The following TET2 variants were observed in gnomAD, a reference collection of about 807,000 sequenced individuals.
TET2 encodes tet methylcytosine dioxygenase 2, also known as methylcytosine dioxygenase TET2.
In TET2, 299 loss-of-function variants were observed where a neutral mutation model predicts 142.9. The ratio of observed to expected loss-of-function variants is 2.09; its 90% confidence interval spans 1.90 to 2.30. The LOEUF (loss-of-function observed/expected upper bound fraction) is 2.30. Ranked by LOEUF, TET2 falls within the 30% of genes most tolerant of loss-of-function variation. The pLI is 0.00. For synonymous variants in TET2, 819 were observed against 849.0 expected (o/e 0.96, Z 0.61); for missense variants, 2,418 against 2,378.0 (o/e 1.02, Z -0.35).
At chr4:105,163,229 A>G (rs1048100041) in intron 1 of TET2, among the ~76,000 whole-genome samples, 1 of 152,150 alleles carries the variant, frequency 6.6e-6, no homozygotes, top group Non-Finnish European at 1.5e-5. Flanking sequence ...GTGTTTGAAT[A>G]TATTTTTATA....
chr4:105,186,473 C>CTTTT (rs1224419124), intron 1 of TET2, among the ~76,000 whole-genome samples: 19 of 115,098 alleles, frequency 1.7e-4, no homozygotes, highest in East Asian at 2.3e-4. Context: ...TTTGCATTTT[C>CTTTT]TTTTTTTTTT....
intron 10 of TET2, among the ~76,000 whole-genome samples, chr4:105,274,557 C>T (rs1471940154): frequency 1.3e-5 from 2 of 152,090 alleles, no homozygotes; most frequent in East Asian, 1.9e-4. Flanking sequence ...TTTTCCTTCC[C>T]ATTTAGGAAT....
At chr4:105,253,082 G>A (rs1729949248) in intron 6 of TET2, among the ~76,000 whole-genome samples, 1 of 152,064 alleles carries the variant, frequency 6.6e-6, no homozygotes, top group South Asian at 2.1e-4. Flanking sequence ...CTCTGACATT[G>A]TTTTTCTCCT....
rs3055846 is a variant in TET2, at chr4:105,270,674, T to TTATA, written c.4182+949_4182+952dup. On this transcript the variant is annotated intron_variant, in intron 9 of 10. Coordinates refer to ENST00000380013, the MANE Select transcript of TET2 (RefSeq NM_001127208.3). ...GTGGTGAGGGGAAAATAGATACATG[T>TTATA]TATATATATATATATATATATATAT... is the stretch of plus-strand genomic sequence containing the variant. Among the ~76,000 whole-genome samples the TTATA allele has an allele frequency of 6.7e-3, 998 of 149,424 alleles. 9 individuals carry two copies. Among genetic ancestry groups the TTATA allele is most frequent in the South Asian group, 0.035 (162 of 4,676 alleles).
chr4:105,245,031 T>C (rs1003829289), intron 6 of TET2, among the ~76,000 whole-genome samples: 1 of 152,258 alleles, frequency 6.6e-6, no homozygotes, highest in Non-Finnish European at 1.5e-5. Context: ...ATACTGCTCA[T>C]TGCAACAGCT....
In TET2 at chr4:105,159,509, C is replaced by A. The variant is rs1560713554; in HGVS notation, c.-193+12530C>A. Among the ~76,000 whole-genome samples, 8 of 152,018 alleles carry A rather than the reference C, an allele frequency of 5.3e-5. No individual in the cohort carries two copies. In the South Asian group the frequency reaches 1.7e-3, roughly 32 times the overall value. ...ACTTAAGGTGATCCGCTTGCTTCGG[C>A]CCCCCAAAGTGCTGGGATTACAGGC... On this transcript the variant is annotated intron_variant, in intron 1 of 10. Coordinates refer to ENST00000380013, the MANE Select transcript of TET2 (RefSeq NM_001127208.3).
At chr4:105,165,166 GGAGTTTGAA>G (rs1220399431) in intron 1 of TET2, among the ~76,000 whole-genome samples, 4 of 152,076 alleles carry the variant, frequency 2.6e-5, no homozygotes, top group Non-Finnish European at 5.9e-5. Flanking sequence ...CCTGAGGTCA[GGAGTTTGAA>G]ACCAACCTGG....
intron 1 of TET2, among the ~76,000 whole-genome samples, chr4:105,164,731 G>A (rs149621067): frequency 1.1e-4 from 16 of 152,272 alleles, no homozygotes; most frequent in East Asian, 9.7e-4. Flanking sequence ...CTGAATAGGC[G>A]CCAGAGTTGG....
upstream of TET2, chr4:105,146,741 G>A (rs1052005973): frequency 2.6e-5 from 4 of 152,106 alleles, no homozygotes; most frequent in African/African-American, 9.6e-5. Flanking sequence ...CGAGCGCCGC[G>A]CGCCCGGGTC....
At chr4:105,180,257 G>A (rs2110446988) in intron 1 of TET2, among the ~76,000 whole-genome samples, 1 of 152,298 alleles carries the variant, frequency 6.6e-6, no homozygotes, top group East Asian at 1.9e-4. Flanking sequence ...TGCAGAGTCA[G>A]TGGCTTCTTT....
intron 1 of TET2, among the ~76,000 whole-genome samples, chr4:105,181,562 T>TA (rs1448739472): frequency 6.6e-6 from 1 of 152,160 alleles, no homozygotes; most frequent in African/African-American, 2.4e-5. Context: ...ATCTAGCAAA[T>TA]AAAAAATGGT....
At chr4:105,248,077 T>A (rs1252546261) in intron 6 of TET2, among the ~76,000 whole-genome samples, 1 of 152,178 alleles carries the variant, frequency 6.6e-6, no homozygotes, top group Non-Finnish European at 1.5e-5. Context: ...GCAAAAACAC[T>A]TCATAAGTAG....
At chr4:105,199,157 G>T (rs1431300106) in intron 2 of TET2, among the ~76,000 whole-genome samples, 2 of 152,234 alleles carry the variant, frequency 1.3e-5, no homozygotes, top group East Asian at 3.9e-4. Flanking sequence ...AAGAATGTTG[G>T]ATTCATTTAT....
chr4:105,145,891 G>C (rs1253714728), upstream of TET2: 1 of 152,222 alleles, frequency 6.6e-6, no homozygotes, highest in African/African-American at 2.4e-5. Flanking sequence ...AAGGTGGGCC[G>C]GGGCGGGGAG....
chr4:105,276,469 T>C lies in TET2; in HGVS notation c.5959T>C (p.Ser1987Pro). The C allele has an allele frequency of 6.4e-7, 1 of 1,551,682 alleles. No individual in the cohort carries two copies. Among genetic ancestry groups the C allele is most frequent in the Non-Finnish European group, 8.7e-7 (1 of 1,146,982 alleles). ...SVTTDSTVTT[S>P]PYAFTRVTGP... ...GACCACAGACTCCACAGTAACTACA[T>C]CTCCATATGCCTTCACTCGGGTCAC... is the stretch of plus-strand genomic sequence containing the variant. Residue 1987 changes from serine (S) to proline (P), a missense_variant, in exon 11 of 11, where the codon TCT (serine) becomes CCT (proline). By Grantham distance (74) the Ser-to-Pro change is moderately conservative. Transcript: ENST00000380013.
intron 8 of TET2, among the ~76,000 whole-genome samples, chr4:105,266,226 G>A (rs763312410): frequency 4.0e-4 from 61 of 152,068 alleles, no homozygotes; most frequent in Non-Finnish European, 5.9e-4. Context: ...ATTCATAATT[G>A]TATTGCCTTG....
At position 105,277,165 on chromosome 4, in the gene TET2, A is replaced by G. The variant is rs1731265160; in HGVS notation, c.*646A>G. 4.3e-6 allele frequency: 1 copy of G among 230,064 alleles called. No individual in the cohort carries two copies. Among genetic ancestry groups the G allele is most frequent in the African/African-American group, 2.2e-5 (1 of 45,306 alleles). 14.3% of individuals were successfully genotyped at this position (230,064 alleles called of 1,614,324 possible). On this transcript the variant is annotated 3_prime_UTR_variant, in exon 11 of 11. Coordinates refer to ENST00000380013, the MANE Select transcript of TET2 (RefSeq NM_001127208.3). ...ATAGCTAAAAATTTAATGCCTTTATATCATCAAGATGCTATCAGTGTACTC... is the reference window on the plus strand; with the variant it reads ...ATAGCTAAAAATTTAATGCCTTTATGTCATCAAGATGCTATCAGTGTACTC...
intron 1 of TET2, chr4:105,171,445 T>A (rs1045046826): frequency 6.6e-6 from 1 of 152,226 alleles, no homozygotes; most frequent in South Asian, 2.1e-4. Context: ...ATATATGTTA[T>A]TGATCATAAT....
At chr4:105,176,959 T>C (rs547544246) in intron 1 of TET2, among the ~76,000 whole-genome samples, 2 of 152,270 alleles carry the variant, frequency 1.3e-5, no homozygotes, top group East Asian at 1.9e-4. Context: ...AACAAACCCA[T>C]GTAAATATAA....
Sources: gnomAD v4.1 joint callset for allele counts (sites outside exome capture counted in the v4.1 genomes callset) on GRCh38, gnomAD v4.1.1 for gene constraint, MANE v1.5 for transcripts, NCBI Gene and HGNC (gene_info 2026-07-23, HGNC 2026-07-21) for gene names.